The following MROH1 variants were observed in gnomAD, a reference collection of about 807,000 sequenced individuals.
MROH1 encodes the protein maestro heat-like repeat-containing protein family member 1.
In MROH1, 117 loss-of-function variants were observed where a neutral mutation model predicts 116.5. That is an observed-to-expected ratio of 1.00 (90% confidence interval 0.86 to 1.17). The LOEUF (loss-of-function observed/expected upper bound fraction) is 1.17, where lower values mean the gene tolerates loss of function less well. Ranked by LOEUF, MROH1 falls within the 50% of genes most tolerant of loss-of-function variation. The pLI is 0.00. For synonymous variants in MROH1, 921 were observed against 583.9 expected (o/e 1.58, Z -8.32); for missense variants, 1,873 against 1,338.5 (o/e 1.40, Z -6.23).
chr8:144,224,693 A>C (rs563334961), intron 14 of MROH1, among the ~76,000 whole-genome samples: 1 of 152,202 alleles, frequency 6.6e-6, no homozygotes, highest in Non-Finnish European at 1.5e-5. Context: ...TATTCATGAT[A>C]AAATGTTCAA....
In MROH1 at chr8:144,243,474, G is replaced by C. The variant is rs972677658; in HGVS notation, c.2353-20G>C. ...TGGAGGGCGGGCGTGGGCGTCTCCT[G>C]TAGCCCTGCGTCCCTGCAGGACCCA... is the stretch of plus-strand genomic sequence containing the variant. On this transcript the variant is annotated intron_variant, in intron 24 of 43. Transcript: ENST00000326134. 8.1e-5 allele frequency: 63 copies of C among 778,420 alleles called. No individual in the cohort carries two copies. Among genetic ancestry groups the C allele is most frequent in the Non-Finnish European group, 1.4e-4 (59 of 417,806 alleles). 48.2% of individuals were successfully genotyped at this position (778,420 alleles called of 1,614,324 possible).
chr8:144,194,612 A>T (rs1036039029), intron 10 of MROH1, among the ~76,000 whole-genome samples: 2 of 152,180 alleles, frequency 1.3e-5, no homozygotes, highest in African/African-American at 4.8e-5. Flanking sequence ...CCAAGCTATT[A>T]GGACTAATCA....
intron 12 of MROH1, chr8:144,200,833 T>G (rs776316647): frequency 6.0e-5 from 23 of 381,440 alleles, no homozygotes; most frequent in Middle Eastern, 8.1e-4. Context: ...TCCCAGAGCC[T>G]AAGACAGCCA....
chr8:144,209,404 C>T (rs1186603782), intron 12 of MROH1, among the ~76,000 whole-genome samples: 3 of 151,706 alleles, frequency 2.0e-5, no homozygotes, highest in Admixed American at 6.6e-5. Flanking sequence ...CACAGTGAAA[C>T]CCCGTCTCTA....
chr8:144,261,027 A>G lies in MROH1; in HGVS notation c.4657A>G (p.Thr1553Ala). The G allele has an allele frequency of 2.2e-6, 1 of 459,566 alleles. No homozygotes were observed. Among genetic ancestry groups the G allele is most frequent in the Non-Finnish European group, 4.4e-6 (1 of 227,950 alleles). The allele number at this position is 459,566 out of a possible 1,614,324, so 28.5% of individuals were successfully genotyped here. The change falls in exon 41 of 44, where the codon ACC becomes GCC. Residue 1553 changes from threonine (T) to alanine (A), a missense_variant. Thr to Ala is a moderately conservative substitution (Grantham distance 58). Coordinates refer to ENST00000326134, the MANE Select transcript of MROH1 (RefSeq NM_032450.3). ...ALHFGEFLNTTCKHLMHHFPD... is the reference protein window; with the variant it reads ...ALHFGEFLNTACKHLMHHFPD... ...GCACTTCGGGGAGTTCCTCAACACCACCTGCAAGCACCTGGTGAGGGGTGG... is the reference window on the plus strand; with the variant it reads ...GCACTTCGGGGAGTTCCTCAACACCGCCTGCAAGCACCTGGTGAGGGGTGG...
At chr8:144,219,387 G>T (rs1014920405) in intron 12 of MROH1, among the ~76,000 whole-genome samples, 2 of 151,940 alleles carry the variant, frequency 1.3e-5, no homozygotes, top group African/African-American at 4.8e-5. Flanking sequence ...TGAACTCCTG[G>T]GCTCAAGTGA....
chr8:144,171,942 G>A (rs1331678140), intron 4 of MROH1, among the ~76,000 whole-genome samples: 3 of 152,132 alleles, frequency 2.0e-5, no homozygotes, highest in African/African-American at 4.8e-5. Context: ...GACATACCTC[G>A]TTATACCTGC....
chr8:144,160,006 T>G (rs924639051), intron 1 of MROH1, among the ~76,000 whole-genome samples: 3 of 152,172 alleles, frequency 2.0e-5, no homozygotes, highest in Non-Finnish European at 4.4e-5. Context: ...CCTGAGCTCA[T>G]GATCCACCCG....
At chr8:144,241,629 C>T (rs1840996112) in intron 22 of MROH1, 112 bp downstream of exon 22, 1 of 757,606 alleles carries the variant, frequency 1.3e-6, no homozygotes, top group African/African-American at 1.7e-5. Flanking sequence ...GTCCCTGGAC[C>T]AATTTTTGCT....
chr8:144,259,456 TG>T, intron 37 of MROH1, 102 bp downstream of exon 37: 1 of 702,844 alleles, frequency 1.4e-6, no homozygotes, highest in Non-Finnish European at 2.6e-6. Context: ...CCCTCGACCG[TG>T]GTCTGTGAGG....
chr8:144,193,728 C>A, intron 10 of MROH1, among the ~76,000 whole-genome samples: 1 of 151,978 alleles, frequency 6.6e-6, no homozygotes, highest in East Asian at 1.9e-4. Flanking sequence ...CTGCCTCAGC[C>A]TCCTGAGTAG....
intron 18 of MROH1, 124 bp from the exon 19 acceptor site, chr8:144,239,977 G>C: frequency 1.4e-6 from 1 of 711,530 alleles, no homozygotes; most frequent in East Asian, 2.7e-5. Context: ...CTGGGAGCAG[G>C]TGGGGGGCAG....
intron 9 of MROH1, 108 bp from the exon 10 acceptor site, chr8:144,192,201 C>CTCCTGGCCCATGTCT: frequency 1.1e-6 from 1 of 941,020 alleles, no homozygotes; most frequent in South Asian, 1.7e-5. Context: ...GGCCCATGTC[C>CTCCTGGCCCATGTCT]TCCTGGCCCA....
At chr8:144,189,834 CTG>C (rs1191143334) in intron 7 of MROH1, among the ~76,000 whole-genome samples, 1 of 152,234 alleles carries the variant, frequency 6.6e-6, no homozygotes, top group African/African-American at 2.4e-5. Flanking sequence ...CCTCTTGTCT[CTG>C]TGGCAGACTG....
At chr8:144,242,156 C>A in intron 22 of MROH1, 4 of 642,142 alleles carry the variant, frequency 6.2e-6, no homozygotes, top group Non-Finnish European at 5.6e-6. Flanking sequence ...TGGGCCCATG[C>A]CTGGCTGGCT....
chr8:144,212,228 G>C (rs771570764), intron 12 of MROH1, among the ~76,000 whole-genome samples: 1 of 151,958 alleles, frequency 6.6e-6, no homozygotes, highest in Non-Finnish European at 1.5e-5. Flanking sequence ...GGACTTGCAG[G>C]TGCACACCAC....
chr8:144,258,312 G>T (rs969627204), intron 35 of MROH1, among the ~76,000 whole-genome samples: 1 of 152,212 alleles, frequency 6.6e-6, no homozygotes, highest in Non-Finnish European at 1.5e-5. Context: ...TTGCCAGCCA[G>T]CCTCAGCCGA....
At position 144,248,898 on chromosome 8, in the gene MROH1, C is replaced by A. The variant is rs1485751985; in HGVS notation, c.3142C>A (p.Pro1048Thr). ...CTAGATTATTGCCAAGCGCCTCCCC[C>A]CAGACCAGCTCATCAGCCTCTTGCT... ...VGQIIAKRLP[P>T]DQLISLLLTM... The change falls in exon 32 of 44, where the codon CCA (proline) becomes ACA (threonine). Residue 1048 changes from proline (P) to threonine (T), a missense_variant. Coordinates refer to ENST00000326134, the MANE Select transcript of MROH1 (RefSeq NM_032450.3). 2.4e-5 allele frequency: 19 copies of A among 778,848 alleles called. No homozygotes were observed. The highest frequency in any genetic ancestry group is 1.4e-5 in the South Asian group (1 of 73,970). The allele number at this position is 778,848 out of a possible 1,614,324, so 48.2% of individuals were successfully genotyped here.
rs745475705 is a variant in MROH1, at chr8:144,168,326, C to T, written c.54C>T (p.Thr18=). ...CCTCCACCCTGCTGGACGCCATCAC[C>T]GATAAGGACCCCCTGGTGCAGGAGC... ...KLASTLLDAI[T]DKDPLVQEQV... is the part of the protein sequence containing the mutation. Residue 18 remains threonine, a synonymous_variant, in exon 4 of 44, where the codon ACC becomes ACT. Coordinates refer to ENST00000326134, the MANE Select transcript of MROH1 (RefSeq NM_032450.3). 6.2e-6 allele frequency: 10 copies of T among 1,608,902 alleles called. No individual in the cohort carries two copies. Among genetic ancestry groups the T allele is most frequent in the African/African-American group, 2.7e-5 (2 of 74,888 alleles).
Sources: allele counts gnomAD v4.1 joint callset (sites outside exome capture counted in the v4.1 genomes callset), GRCh38; gene constraint gnomAD v4.1.1; transcripts MANE v1.5; gene names NCBI Gene and HGNC (gene_info 2026-07-23, HGNC 2026-07-21).